The following BMP6 variants were observed in gnomAD, a reference collection of about 807,000 sequenced individuals.
BMP6 encodes the protein VG-1-R.
In BMP6, 17 loss-of-function variants were observed where a neutral mutation model predicts 54.1. The observed-to-expected ratio is 0.31, with a 90% CI of 0.22 to 0.47. The LOEUF (loss-of-function observed/expected upper bound fraction) is 0.47, where lower values mean the gene tolerates loss of function less well. Ranked by LOEUF, BMP6 falls within the 20% of genes least tolerant of loss-of-function variation. The pLI, the probability that BMP6 is intolerant of heterozygous loss-of-function variation, is 1.00. For synonymous variants in BMP6, 328 were observed against 291.2 expected (o/e 1.13, Z -1.28); for missense variants, 720 against 690.4 (o/e 1.04, Z -0.48).
At chr6:7,773,749 C>G (rs181776153) in intron 1 of BMP6, among the ~76,000 whole-genome samples, 421 of 152,244 alleles carry the variant, frequency 2.8e-3, no homozygotes, top group African/African-American at 9.7e-3. Context: ...TACATGGGGC[C>G]TTTTCAGAAA....
intron 4 of BMP6, among the ~76,000 whole-genome samples, chr6:7,869,693 C>T (rs1391457152): frequency 6.6e-6 from 1 of 152,260 alleles, no homozygotes; most frequent in East Asian, 1.9e-4. Context: ...AATGTCTCCT[C>T]AGTCATCACA....
At chr6:7,840,950 T>A (rs1758959279) in intron 1 of BMP6, among the ~76,000 whole-genome samples, 1 of 152,126 alleles carries the variant, frequency 6.6e-6, no homozygotes, top group African/African-American at 2.4e-5. Context: ...GGAGCAGCCG[T>A]CAGTCCTATC....
At chr6:7,877,951 T>C (rs1160791887) in intron 4 of BMP6, among the ~76,000 whole-genome samples, 1 of 152,210 alleles carries the variant, frequency 6.6e-6, no homozygotes, top group Non-Finnish European at 1.5e-5. Flanking sequence ...CTCAGAACCC[T>C]GCAAAGGCTC....
At chr6:7,762,149 T>TG (rs1561763652) in intron 1 of BMP6, among the ~76,000 whole-genome samples, 1 of 152,230 alleles carries the variant, frequency 6.6e-6, no homozygotes, top group Non-Finnish European at 1.5e-5. Flanking sequence ...CTCGAACTCC[T>TG]GACCTCAAAT....
At chr6:7,803,097 G>C (rs1054158570) in intron 1 of BMP6, among the ~76,000 whole-genome samples, 5 of 152,074 alleles carry the variant, frequency 3.3e-5, no homozygotes, top group Admixed American at 6.6e-5. Flanking sequence ...GGCTTGAATG[G>C]GAAAATAGTA....
At chr6:7,843,002 A>C (rs1759001598) in intron 1 of BMP6, among the ~76,000 whole-genome samples, 1 of 152,228 alleles carries the variant, frequency 6.6e-6, no homozygotes, top group African/African-American at 2.4e-5. Flanking sequence ...TCTTTGGAAA[A>C]TCAGATTTGA....
intron 1 of BMP6, among the ~76,000 whole-genome samples, chr6:7,819,813 C>G (rs1475046109): frequency 6.6e-6 from 1 of 152,136 alleles, no homozygotes; most frequent in African/African-American, 2.4e-5. Context: ...GAAACAGAAG[C>G]TGCATTTTTT....
rs773167142 is a variant in BMP6, at chr6:7,727,378, C to A, written c.423C>A (p.Asn141Lys). ...CCCTCTTCATGCTGGATCTGTACAA[C>A]GCCCTGTCCGCCGACAACGACGAGG... ...SAPLFMLDLY[N>K]ALSADNDEDG... Residue 141 changes from asparagine (N) to lysine (K), a missense_variant, in exon 1 of 7, where the codon AAC becomes AAA. Physicochemically the swap from Asn to Lys is moderately conservative, Grantham distance 94. Transcript: ENST00000283147. The A allele has an allele frequency of 4.4e-6, 7 of 1,608,736 alleles. No homozygotes were observed. Among genetic ancestry groups the A allele is most frequent in the Non-Finnish European group, 5.1e-6 (6 of 1,178,140 alleles).
At chr6:7,857,725 A>G (rs1435013581) in intron 2 of BMP6, among the ~76,000 whole-genome samples, 1 of 152,374 alleles carries the variant, frequency 6.6e-6, no homozygotes, top group East Asian at 1.9e-4. Flanking sequence ...TAGGAAGGCC[A>G]TGTATCCCTG....
rs1249383708 is a variant in BMP6 at position 7,727,341 on chromosome 6, T to C, written c.386T>C (p.Leu129Pro). The change falls in exon 1 of 7, where the codon CTG becomes CCG. Residue 129 changes from leucine (L) to proline (P), a missense_variant. Coordinates refer to ENST00000283147, the MANE Select transcript of BMP6 (RefSeq NM_001718.6). The part of the protein sequence containing the change: ...LPRGEPPPGR[L>P]KSAPLFMLDL... ...CGCGGAGAGCCCCCTCCCGGGCGAC[T>C]GAAGTCCGCGCCCCTCTTCATGCTG... The C allele has an allele frequency of 6.2e-7, 1 of 1,609,720 alleles. No individual in the cohort carries two copies. Among genetic ancestry groups the C allele is most frequent in the Non-Finnish European group, 8.5e-7 (1 of 1,178,760 alleles).
intron 1 of BMP6, among the ~76,000 whole-genome samples, chr6:7,766,307 A>G (rs373483488): frequency 2.0e-5 from 3 of 152,198 alleles, no homozygotes; most frequent in South Asian, 4.1e-4. Context: ...TGAGCTAAAT[A>G]AAGTGGATTA....
At chr6:7,811,585 A>C (rs1482045310) in intron 1 of BMP6, among the ~76,000 whole-genome samples, 1 of 152,124 alleles carries the variant, frequency 6.6e-6, no homozygotes, top group Non-Finnish European at 1.5e-5. Flanking sequence ...ACTGTTTATG[A>C]AGCACTTTCC....
rs560957005 is a variant in BMP6, at chr6:7,823,596, G to A, written c.665-21544G>A. On this transcript the variant is annotated intron_variant, in intron 1 of 6. Coordinates refer to ENST00000283147, the MANE Select transcript of BMP6 (RefSeq NM_001718.6). Reference sequence around the variant, plus strand: ...ATTTTAAGAAGATGGAATATGACCAGACACGCTGTGTTAGGTGGGCAGGTC... The same window carrying A: ...ATTTTAAGAAGATGGAATATGACCAAACACGCTGTGTTAGGTGGGCAGGTC... Among the ~76,000 whole-genome samples, 6 of 152,308 alleles carry A rather than the reference G, an allele frequency of 3.9e-5. No homozygotes were observed. The East Asian group carries it at 1.2e-3, about 29-fold the overall frequency.
At chr6:7,876,300 T>C (rs1416492687) in intron 4 of BMP6, among the ~76,000 whole-genome samples, 1 of 152,236 alleles carries the variant, frequency 6.6e-6, no homozygotes, top group Non-Finnish European at 1.5e-5. Context: ...TTTATGTGTT[T>C]GATATAATTT....
chr6:7,785,509 G>A (rs559769554), intron 1 of BMP6, among the ~76,000 whole-genome samples: 19 of 152,280 alleles, frequency 1.2e-4, no homozygotes, highest in South Asian at 8.3e-4. Flanking sequence ...TGGGAAAGGC[G>A]TCCTTCACTG....
chr6:7,777,836 G>A (rs545493237), intron 1 of BMP6, among the ~76,000 whole-genome samples: 13 of 152,062 alleles, frequency 8.5e-5, no homozygotes, highest in African/African-American at 2.2e-4. Flanking sequence ...TGGCTTGGGC[G>A]GCAGTGGGAC....
intron 1 of BMP6, among the ~76,000 whole-genome samples, chr6:7,787,777 T>C (rs1019908450): frequency 6.6e-6 from 1 of 152,238 alleles, no homozygotes; most frequent in Non-Finnish European, 1.5e-5. Context: ...TCAACTCCTA[T>C]GGAATGTTTA....
chr6:7,841,652 A>G (rs930260980), intron 1 of BMP6, among the ~76,000 whole-genome samples: 36 of 152,178 alleles, frequency 2.4e-4, no homozygotes, highest in African/African-American at 7.5e-4. Context: ...GCTTTGAGGT[A>G]AAAGGCACAG....
intron 1 of BMP6, among the ~76,000 whole-genome samples, chr6:7,822,908 T>C (rs1336416156): frequency 1.8e-5 from 2 of 110,542 alleles, no homozygotes; most frequent in African/African-American, 7.7e-5. Flanking sequence ...TGTGTGTGTG[T>C]GTGTGTGTGT....
Sources: allele counts gnomAD v4.1 joint callset (sites outside exome capture counted in the v4.1 genomes callset), GRCh38; gene constraint gnomAD v4.1.1; transcripts MANE v1.5; gene names NCBI Gene and HGNC (gene_info 2026-07-23, HGNC 2026-07-21).